MYRIP: variants seen among roughly 807,000 people sequenced by gnomAD.
MYRIP encodes rab effector MyRIP.
MYRIP carries 49 observed loss-of-function variants against 98.0 expected under a neutral mutation model. The observed-to-expected ratio is 0.50, with a 90% CI of 0.40 to 0.63. MYRIP has a LOEUF of 0.63. Among genes scored for constraint, MYRIP ranks in the 30% least tolerant of loss-of-function variants. The probability of loss-of-function intolerance (pLI) is 0.00; values close to 1 mark genes in which losing one functional copy is unlikely to be tolerated. For synonymous variants in MYRIP, 404 were observed against 409.5 expected, an observed-to-expected ratio of 0.99 and a Z score of 0.16; for missense variants, 1,004 against 1,058.2, an observed-to-expected ratio of 0.95 and a Z score of 0.71.
chr3:40,121,014 G>A (rs906589753), intron 3 of MYRIP, among the ~76,000 whole-genome samples: 2 of 152,134 alleles, frequency 1.3e-5, no homozygotes, highest in African/African-American at 2.4e-5. Flanking sequence ...AATCAAGCAT[G>A]AGGGTGGAGC....
intron 1 of MYRIP, among the ~76,000 whole-genome samples, chr3:39,866,688 A>G (rs945066944): frequency 3.9e-5 from 6 of 152,180 alleles, no homozygotes; most frequent in Non-Finnish European, 7.3e-5. Flanking sequence ...CTGAAAACAA[A>G]CACATAGAAA....
At position 40,218,630 on chromosome 3, in the gene MYRIP, A is replaced by G. The variant is rs1448366411; in HGVS notation, c.1905+8537A>G. On this transcript the variant is annotated intron_variant, in intron 11 of 16. Coordinates refer to ENST00000302541, the MANE Select transcript of MYRIP (RefSeq NM_015460.4). ...ATATATTTTATATATATATATATATATATATATATATATATATATATATAT... is the reference window on the plus strand; with the variant it reads ...ATATATTTTATATATATATATATATGTATATATATATATATATATATATAT... 3.0e-4 allele frequency among the ~76,000 whole-genome samples: 7 copies of G among 23,608 alleles called. 1 individual carries two copies. The highest frequency in any genetic ancestry group is 6.0e-4 in the African/African-American group (6 of 9,992). The allele number at this position is 23,608 out of a possible 152,430, so 15.5% of individuals were successfully genotyped here. A position where few individuals can be genotyped will look rare whatever the true frequency, so the allele number is the denominator to read the frequency against.
rs145623597 is a variant in MYRIP at position 40,191,731 on chromosome 3, A to G, written c.1665+1268A>G. 2.6e-5 allele frequency among the ~76,000 whole-genome samples: 4 copies of G among 152,300 alleles called. No individual in the cohort carries two copies. In the East Asian group the frequency reaches 7.7e-4, roughly 29 times the overall value. ...TCTGTAAAACAGAAGATCATTAAAA[A>G]TCTGTCTCATGGGATTGTTATGGTC... On this transcript the variant is annotated intron_variant, in intron 10 of 16. Coordinates refer to ENST00000302541, the MANE Select transcript of MYRIP (RefSeq NM_015460.4).
intron 1 of MYRIP, among the ~76,000 whole-genome samples, chr3:39,828,986 G>A (rs879643270): frequency 2.0e-5 from 3 of 152,094 alleles, no homozygotes; most frequent in Non-Finnish European, 1.5e-5. Flanking sequence ...TCTCTGGGTC[G>A]ATACCCAGTA....
rs1170497157 is a variant in MYRIP at position 40,157,479 on chromosome 3, G to A, written c.470-5251G>A. ...CTCTTTTTTGGTTGCGTCTCTGCCCGGCTTTGGTATCAGGATGATGCTGGC... is the reference window on the plus strand; with the variant it reads ...CTCTTTTTTGGTTGCGTCTCTGCCCAGCTTTGGTATCAGGATGATGCTGGC... On this transcript the variant is annotated intron_variant, in intron 4 of 16. Transcript: ENST00000302541. Among the ~76,000 whole-genome samples the A allele has an allele frequency of 1.4e-3, 194 of 139,920 alleles. 2 individuals are homozygous for A. The highest frequency in any genetic ancestry group is 0.012 in the South Asian group (52 of 4,464). 91.8% of individuals were successfully genotyped at this position (139,920 alleles called of 152,430 possible).
chr3:40,118,626 A>G (rs1461468631), intron 3 of MYRIP, among the ~76,000 whole-genome samples: 1 of 148,032 alleles, frequency 6.8e-6, no homozygotes, highest in Non-Finnish European at 1.5e-5. Flanking sequence ...ATTATACTTT[A>G]AGTTTTAGGG....
intron 2 of MYRIP, among the ~76,000 whole-genome samples, chr3:39,999,365 G>A (rs1184791885): frequency 1.3e-5 from 2 of 152,154 alleles, no homozygotes; most frequent in Non-Finnish European, 2.9e-5. Flanking sequence ...GTGGGTGAAG[G>A]ATATGAACAG....
chr3:40,163,412 T>G (rs1472528800), intron 5 of MYRIP, among the ~76,000 whole-genome samples: 1 of 152,230 alleles, frequency 6.6e-6, no homozygotes, highest in Non-Finnish European at 1.5e-5. Context: ...GATGCCCAGA[T>G]AGCTGGTAAA....
chr3:39,999,008 C>T (rs1946446043), intron 2 of MYRIP, among the ~76,000 whole-genome samples: 1 of 152,144 alleles, frequency 6.6e-6, no homozygotes, highest in Non-Finnish European at 1.5e-5. Context: ...CTTCCTTACA[C>T]CTTATACAAA....
chr3:39,912,566 A>G (rs1324929118), intron 2 of MYRIP, among the ~76,000 whole-genome samples: 1 of 152,202 alleles, frequency 6.6e-6, no homozygotes, highest in Non-Finnish European at 1.5e-5. Flanking sequence ...ATAGTTTTAG[A>G]CTATATAAAA....
chr3:40,178,636 A>T (rs1950820463), intron 8 of MYRIP, among the ~76,000 whole-genome samples: 2 of 152,230 alleles, frequency 1.3e-5, no homozygotes, highest in Non-Finnish European at 2.9e-5. Flanking sequence ...AATACTTAAT[A>T]AATGCTCTTA....
At chr3:40,193,882 C>T (rs1951313149) in intron 10 of MYRIP, among the ~76,000 whole-genome samples, 1 of 34,394 alleles carries the variant, frequency 2.9e-5, no homozygotes, top group Non-Finnish European at 8.5e-5. Flanking sequence ...ATGCAATTTA[C>T]ATTTATACTT....
At chr3:40,004,766 T>A (rs1946595614) in intron 2 of MYRIP, among the ~76,000 whole-genome samples, 1 of 152,200 alleles carries the variant, frequency 6.6e-6, no homozygotes, top group Admixed American at 6.5e-5. Context: ...TCACTTAGAA[T>A]AATGGTCTCC....
chr3:39,982,283 C>G (rs951595523), intron 2 of MYRIP, among the ~76,000 whole-genome samples: 1 of 152,136 alleles, frequency 6.6e-6, no homozygotes, highest in African/African-American at 2.4e-5. Context: ...ATGTAGCCAT[C>G]CTTTCACAGT....
At chr3:39,832,445 C>T (rs1575284353) in intron 1 of MYRIP, among the ~76,000 whole-genome samples, 1 of 152,080 alleles carries the variant, frequency 6.6e-6, no homozygotes, top group Non-Finnish European at 1.5e-5. Flanking sequence ...CTCAAAAAAG[C>T]TTTTTGGACT....
chr3:40,149,408 T>C (rs892121099), intron 3 of MYRIP, among the ~76,000 whole-genome samples: 2 of 152,172 alleles, frequency 1.3e-5, no homozygotes, highest in Admixed American at 1.3e-4. Context: ...ACCTCTAGCA[T>C]TGGGGATCAC....
chr3:39,976,355 A>G (rs140034736), intron 2 of MYRIP, among the ~76,000 whole-genome samples: 344 of 152,354 alleles, frequency 2.3e-3, no homozygotes, highest in Non-Finnish European at 4.0e-3. Context: ...AGACCATCTC[A>G]CACCAGTTAG....
At chr3:40,049,744 CCAGA>C (rs1339133835) in intron 3 of MYRIP, among the ~76,000 whole-genome samples, 1 of 152,038 alleles carries the variant, frequency 6.6e-6, no homozygotes, top group Admixed American at 6.6e-5. Flanking sequence ...GTTTCTTGAG[CCAGA>C]CAATTAGCCA....
At chr3:40,052,975 T>C (rs1237680464) in intron 3 of MYRIP, among the ~76,000 whole-genome samples, 1 of 152,212 alleles carries the variant, frequency 6.6e-6, no homozygotes, top group Admixed American at 6.5e-5. Context: ...CAATCAATGA[T>C]ATTAGGAGTA....
Sources: allele counts gnomAD v4.1 joint callset (sites outside exome capture counted in the v4.1 genomes callset), GRCh38; gene constraint gnomAD v4.1.1; transcripts MANE v1.5; gene names NCBI Gene and HGNC (gene_info 2026-07-23, HGNC 2026-07-21).